SNTG1: variants seen among roughly 807,000 people sequenced by gnomAD.
The protein encoded by SNTG1 is gamma-1-syntrophin.
In SNTG1, 39 loss-of-function variants were observed where a neutral mutation model predicts 74.7. That is an observed-to-expected ratio of 0.52 (90% CI 0.40 to 0.68). The LOEUF (loss-of-function observed/expected upper bound fraction) is 0.68, where lower values mean the gene tolerates loss of function less well. Ranked by LOEUF, SNTG1 falls within the 30% of genes least tolerant of loss-of-function variation. The pLI is 0.00. For missense variants in SNTG1, 685 were observed against 609.5 expected (o/e 1.12, Z -1.30); for synonymous variants, 254 against 217.1 (o/e 1.17, Z -1.49).
chr8:50,371,544 T>A (rs1168423851), intron 2 of SNTG1, among the ~76,000 whole-genome samples: 2 of 152,212 alleles, frequency 1.3e-5, no homozygotes, highest in African/African-American at 4.8e-5. Flanking sequence ...GTTTATTAAG[T>A]CACATTGGTG....
chr8:50,085,419 T>C (rs896200783), intron 1 of SNTG1, among the ~76,000 whole-genome samples: 1 of 152,180 alleles, frequency 6.6e-6, no homozygotes, highest in Admixed American at 6.5e-5. Flanking sequence ...TCCTGGATAA[T>C]GCAAACAAAA....
At chr8:49,993,518 A>AC (rs1174214913) in intron 1 of SNTG1, among the ~76,000 whole-genome samples, 9 of 152,078 alleles carry the variant, frequency 5.9e-5, no homozygotes, top group Non-Finnish European at 1.0e-4. Flanking sequence ...TTTAAACCTC[A>AC]CACACATTAG....
chr8:50,692,210 C>T (rs566127046), intron 15 of SNTG1, among the ~76,000 whole-genome samples: 6 of 152,220 alleles, frequency 3.9e-5, no homozygotes, highest in South Asian at 2.1e-4. Context: ...TCCTGTAGCT[C>T]GGAGTAGTTT....
chr8:50,688,278 A>G (rs1336142015), intron 15 of SNTG1, among the ~76,000 whole-genome samples: 1 of 152,076 alleles, frequency 6.6e-6, no homozygotes, highest in Non-Finnish European at 1.5e-5. Flanking sequence ...CCATTTGTCA[A>G]TTTTGGCTTT....
intron 15 of SNTG1, among the ~76,000 whole-genome samples, chr8:50,669,647 T>C (rs2095269091): frequency 1.3e-5 from 2 of 152,182 alleles, no homozygotes; most frequent in South Asian, 4.1e-4. Context: ...TCTGAAACTA[T>C]TCCAATCAAT....
intron 1 of SNTG1, among the ~76,000 whole-genome samples, chr8:49,966,468 C>T (rs889166952): frequency 1.3e-5 from 2 of 151,202 alleles, no homozygotes; most frequent in African/African-American, 4.9e-5. Context: ...AATCTCTGCT[C>T]ACTGCAACCT....
chr8:50,414,662 T>C (rs2092992085), intron 4 of SNTG1, among the ~76,000 whole-genome samples: 2 of 152,126 alleles, frequency 1.3e-5, no homozygotes, highest in Non-Finnish European at 2.9e-5. Context: ...TTCATCATTT[T>C]ATTGTGTGTT....
At chr8:49,917,438 T>G (rs971201465) in intron 1 of SNTG1, among the ~76,000 whole-genome samples, 6 of 152,198 alleles carry the variant, frequency 3.9e-5, no homozygotes, top group African/African-American at 1.4e-4. Flanking sequence ...ATGGCATTAA[T>G]GACAAAAACT....
intron 8 of SNTG1, among the ~76,000 whole-genome samples, chr8:50,496,844 G>A (rs910938580): frequency 2.0e-5 from 3 of 151,862 alleles, no homozygotes; most frequent in Non-Finnish European, 4.4e-5. Flanking sequence ...AAAGTAAAAA[G>A]GACAACTGGA....
intron 4 of SNTG1, among the ~76,000 whole-genome samples, chr8:50,429,143 A>G (rs970076021): frequency 1.3e-5 from 2 of 152,136 alleles, no homozygotes; most frequent in African/African-American, 4.8e-5. Context: ...AGACAAGCTG[A>G]TCCTAAAATT....
chr8:50,405,584 C>T (rs2092863001), intron 4 of SNTG1, among the ~76,000 whole-genome samples: 1 of 151,996 alleles, frequency 6.6e-6, no homozygotes, highest in Admixed American at 6.6e-5. Context: ...AATATTTTCT[C>T]CCAAATTGTG....
chr8:50,538,481 G>A lies in SNTG1; in HGVS notation c.680+1673G>A, dbSNP rs944536876. ...ATTTATCTGAGAGGATACAGACTTT[G>A]GAGTTGACAGTTCTTTTCTTTCAGT... On this transcript the variant is annotated intron_variant, in intron 11 of 18. Coordinates refer to ENST00000642720, the MANE Select transcript of SNTG1 (RefSeq NM_018967.5). Among the ~76,000 whole-genome samples the A allele has an allele frequency of 2.6e-5, 4 of 152,054 alleles. No individual in the cohort carries two copies. The South Asian group carries it at 8.3e-4, about 31-fold the overall frequency.
At chr8:50,240,561 A>G (rs1263112785) in intron 2 of SNTG1, among the ~76,000 whole-genome samples, 3 of 152,226 alleles carry the variant, frequency 2.0e-5, no homozygotes, top group African/African-American at 7.2e-5. Context: ...TATGTAAAAA[A>G]CAATTTTGTA....
intron 1 of SNTG1, among the ~76,000 whole-genome samples, chr8:50,045,392 A>T (rs1165227523): frequency 6.6e-6 from 1 of 152,170 alleles, no homozygotes; most frequent in African/African-American, 2.4e-5. Context: ...AGAAGGAAAG[A>T]TGCAACACAT....
At chr8:50,088,826 C>T (rs953308018) in intron 1 of SNTG1, among the ~76,000 whole-genome samples, 4 of 148,496 alleles carry the variant, frequency 2.7e-5, no homozygotes, top group East Asian at 2.0e-4. Flanking sequence ...AATGGCCATA[C>T]TGCCCAAGGT....
chr8:50,322,499 G>A (rs2090571501), intron 2 of SNTG1, among the ~76,000 whole-genome samples: 1 of 152,084 alleles, frequency 6.6e-6, no homozygotes, highest in Non-Finnish European at 1.5e-5. Flanking sequence ...ATTGTTAAAT[G>A]TCTTAAGGCA....
intron 1 of SNTG1, among the ~76,000 whole-genome samples, chr8:50,137,826 C>T (rs937689447): frequency 2.0e-5 from 3 of 152,180 alleles, no homozygotes; most frequent in East Asian, 1.9e-4. Flanking sequence ...AGCTTGGAGG[C>T]GACTGTCCAG....
intron 1 of SNTG1, among the ~76,000 whole-genome samples, chr8:50,114,671 C>T (rs1432126251): frequency 6.6e-6 from 1 of 152,052 alleles, no homozygotes; most frequent in Non-Finnish European, 1.5e-5. Context: ...CTGAGACCAT[C>T]CTGGCCAGCA....
At chr8:50,600,987 G>C (rs2094769470) in intron 13 of SNTG1, among the ~76,000 whole-genome samples, 1 of 151,210 alleles carries the variant, frequency 6.6e-6, no homozygotes, top group Non-Finnish European at 1.5e-5. Context: ...GGCCAACATG[G>C]TGAAACCCCA....
Sources: gnomAD v4.1 joint callset for allele counts (sites outside exome capture counted in the v4.1 genomes callset) on GRCh38, gnomAD v4.1.1 for gene constraint, MANE v1.5 for transcripts, NCBI Gene and HGNC (gene_info 2026-07-23, HGNC 2026-07-21) for gene names.